Variants in KCNIP3 observed in about 807,000 individuals in gnomAD.
The protein encoded by KCNIP3 is calsenilin.
A neutral mutation model predicts 35.0 loss-of-function variants in KCNIP3; 28 were observed. The ratio of observed to expected loss-of-function variants is 0.80; its 90% confidence interval spans 0.59 to 1.10. KCNIP3 has a LOEUF of 1.10. Among genes scored for constraint, KCNIP3 ranks in the 50% least tolerant of loss-of-function variants. The pLI is 0.00. For synonymous variants in KCNIP3, 134 were observed against 133.8 expected (o/e 1.00, Z -0.01); for missense variants, 295 against 338.4 (o/e 0.87, Z 1.01).
intron 2 of KCNIP3, among the ~76,000 whole-genome samples, chr2:95,325,754 TAC>T (rs949615737): frequency 3.5e-5 from 5 of 143,892 alleles, no homozygotes; most frequent in Admixed American, 6.9e-5. Context: ...CACGCACTCA[TAC>T]ACACATACAC....
At chr2:95,365,930 A>C (rs1242716231) in intron 2 of KCNIP3, among the ~76,000 whole-genome samples, 1 of 152,154 alleles carries the variant, frequency 6.6e-6, no homozygotes, top group Non-Finnish European at 1.5e-5. Flanking sequence ...TGTAACCATT[A>C]CCACAATCAA....
intron 2 of KCNIP3, among the ~76,000 whole-genome samples, chr2:95,360,824 A>G (rs1169938398): frequency 6.6e-6 from 1 of 152,248 alleles, no homozygotes; most frequent in Non-Finnish European, 1.5e-5. Flanking sequence ...GTATTAGTCC[A>G]TTCGTGAGGG....
At chr2:95,379,454 G>A (rs1165810626) in intron 5 of KCNIP3, among the ~76,000 whole-genome samples, 2 of 12,740 alleles carry the variant, frequency 1.6e-4, no homozygotes, top group Non-Finnish European at 2.7e-4. Context: ...CTCCATCCTC[G>A]CTGGGGCCTG....
In KCNIP3 at chr2:95,377,005, G is replaced by A. The variant is rs947716577; in HGVS notation, c.447+1797G>A. On this transcript the variant is annotated intron_variant, in intron 5 of 8. Transcript: ENST00000295225. This position sits in a 1 kb window ranked among gnomAD's most constrained non-coding sequence, Gnocchi z 4.7. ...AAAGAATAACCAAAAAGACCAAATC[G>A]GAAAACACACAGACCTCAACAGAGC... Among the ~76,000 whole-genome samples the A allele has an allele frequency of 1.3e-5, 2 of 152,186 alleles. No individual in the cohort carries two copies. The highest frequency in any genetic ancestry group is 2.9e-5 in the Non-Finnish European group (2 of 68,022).
intron 2 of KCNIP3, among the ~76,000 whole-genome samples, chr2:95,325,567 G>T (rs1290055873): frequency 6.6e-6 from 1 of 151,862 alleles, no homozygotes. Flanking sequence ...CAGGGGGCAG[G>T]TCAGGGCACA....
At chr2:95,339,493 A>G (rs1679140463) in intron 2 of KCNIP3, among the ~76,000 whole-genome samples, 1 of 151,960 alleles carries the variant, frequency 6.6e-6, no homozygotes, top group South Asian at 2.1e-4. Context: ...CTGAGGCGGG[A>G]GAATCACTTG....
At chr2:95,321,914 CAGTGCCTGGTGGGACCTCAA>C (rs1265686009) in intron 2 of KCNIP3, among the ~76,000 whole-genome samples, 1 of 152,108 alleles carries the variant, frequency 6.6e-6, no homozygotes. Flanking sequence ...CCATGCTAGA[CAGTGCCTGGTGGGACCTCAA>C]AGGCCACTCA....
chr2:95,329,629 T>C (rs1678877186), intron 2 of KCNIP3, among the ~76,000 whole-genome samples: 1 of 152,128 alleles, frequency 6.6e-6, no homozygotes, highest in Admixed American at 6.5e-5. Flanking sequence ...AGTGCTGGCC[T>C]GGCTGCCGGG....
At chr2:95,346,078 C>A (rs888479350) in intron 2 of KCNIP3, among the ~76,000 whole-genome samples, 1 of 152,244 alleles carries the variant, frequency 6.6e-6, no homozygotes, top group African/African-American at 2.4e-5. Flanking sequence ...CCTAAAGCCC[C>A]GAGTGCACGC....
intron 2 of KCNIP3, among the ~76,000 whole-genome samples, chr2:95,359,095 C>T (rs766238940): frequency 8.5e-5 from 13 of 152,272 alleles, no homozygotes; most frequent in South Asian, 2.1e-4. Context: ...GCCCAGCCCA[C>T]CCCTGGAAAA....
At chr2:95,313,337 T>G (rs1406029837) in intron 2 of KCNIP3, 1 of 152,298 alleles carries the variant, frequency 6.6e-6, no homozygotes, top group Admixed American at 6.5e-5. Flanking sequence ...CATCTGTGGC[T>G]GGGCCCTGGG....
At chr2:95,321,542 G>A (rs180820911) in intron 2 of KCNIP3, among the ~76,000 whole-genome samples, 28 of 152,302 alleles carry the variant, frequency 1.8e-4, no homozygotes, top group African/African-American at 2.4e-4. Context: ...TTGACACAGC[G>A]TCATTCTGAC....
At chr2:95,335,644 C>T (rs1431569139) in intron 2 of KCNIP3, among the ~76,000 whole-genome samples, 1 of 152,118 alleles carries the variant, frequency 6.6e-6, no homozygotes, top group East Asian at 1.9e-4. Flanking sequence ...GCTTATTAAA[C>T]CCATGATATG....
In KCNIP3 at chr2:95,349,092, C is replaced by T. The variant is rs542059392; in HGVS notation, c.182-25204C>T. On this transcript the variant is annotated intron_variant, in intron 2 of 8. Coordinates refer to ENST00000295225, the MANE Select transcript of KCNIP3 (RefSeq NM_013434.5). ...AGCCATTCTCTCACTCAGACACCCCCCCCCGCCCCCCGTCAGAGGGAGGGC... is the reference window on the plus strand; with the variant it reads ...AGCCATTCTCTCACTCAGACACCCCTCCCCGCCCCCCGTCAGAGGGAGGGC... Among the ~76,000 whole-genome samples the T allele has an allele frequency of 4.6e-5, 7 of 152,224 alleles. No homozygotes were observed. In the East Asian group the frequency reaches 1.4e-3, roughly 29 times the overall value.
At chr2:95,303,143 C>T (rs1278654904) in intron 1 of KCNIP3, 1 of 152,220 alleles carries the variant, frequency 6.6e-6, no homozygotes, top group African/African-American at 2.4e-5. Flanking sequence ...GAGGGTTTCA[C>T]CTTGGCACAC....
At chr2:95,309,964 A>G (rs1375171569) in intron 1 of KCNIP3, among the ~76,000 whole-genome samples, 3 of 152,226 alleles carry the variant, frequency 2.0e-5, no homozygotes, top group African/African-American at 4.8e-5. Context: ...GACCCTGTAC[A>G]GATCCACTTG....
At chr2:95,365,736 C>G (rs889693984) in intron 2 of KCNIP3, among the ~76,000 whole-genome samples, 3 of 152,162 alleles carry the variant, frequency 2.0e-5, no homozygotes, top group African/African-American at 7.2e-5. Flanking sequence ...GTTCATCCTA[C>G]TCTGTAGTTC....
chr2:95,342,297 A>G (rs971885946), intron 2 of KCNIP3, among the ~76,000 whole-genome samples: 1 of 152,090 alleles, frequency 6.6e-6, no homozygotes, highest in African/African-American at 2.4e-5. Flanking sequence ...AGCATTAACC[A>G]CTCTGTGCTT....
intron 1 of KCNIP3, among the ~76,000 whole-genome samples, chr2:95,310,006 G>T (rs1438297028): frequency 1.3e-5 from 2 of 152,254 alleles, no homozygotes; most frequent in Non-Finnish European, 2.9e-5. Context: ...TGAGGGATTG[G>T]GATCGTGATT....
Sources: allele counts gnomAD v4.1 joint callset (sites outside exome capture counted in the v4.1 genomes callset), GRCh38; gene constraint gnomAD v4.1.1; non-coding constraint Gnocchi (gnomAD v3.1); transcripts MANE v1.5; gene names NCBI Gene and HGNC (gene_info 2026-07-23, HGNC 2026-07-21).